The following DLG2 variants were observed in gnomAD, a reference collection of about 807,000 sequenced individuals.
DLG2 encodes disks large homolog 2.
In DLG2, 45 loss-of-function variants were observed where a neutral mutation model predicts 132.5. That is an observed-to-expected ratio of 0.34 (90% CI 0.27 to 0.44). The LOEUF (loss-of-function observed/expected upper bound fraction) is 0.44, where lower values mean the gene tolerates loss of function less well. Ranked by LOEUF, DLG2 falls within the 20% of genes least tolerant of loss-of-function variation. The probability of loss-of-function intolerance (pLI) is 1.00; values close to 1 mark genes in which losing one functional copy is unlikely to be tolerated. For synonymous variants in DLG2, 424 were observed against 419.6 expected (o/e 1.01, Z -0.13); for missense variants, 1,045 against 1,196.9 (o/e 0.87, Z 1.87).
At chr11:83,980,992 C>A (rs2092724088) in intron 11 of DLG2, among the ~76,000 whole-genome samples, 1 of 152,154 alleles carries the variant, frequency 6.6e-6, no homozygotes, top group Non-Finnish European at 1.5e-5. Flanking sequence ...AGGAAAAAGA[C>A]AAGTATAGTC....
At chr11:85,202,967 A>G (rs2081577067) in intron 4 of DLG2, among the ~76,000 whole-genome samples, 1 of 151,220 alleles carries the variant, frequency 6.6e-6, no homozygotes, top group African/African-American at 2.4e-5. Context: ...ATAACCTATC[A>G]ATGCACCTCA....
At chr11:84,010,900 T>G (rs1201223045) in intron 11 of DLG2, among the ~76,000 whole-genome samples, 1 of 152,164 alleles carries the variant, frequency 6.6e-6, no homozygotes, top group South Asian at 2.1e-4. Flanking sequence ...TCTTGCATTA[T>G]CAAATCTTTG....
intron 7 of DLG2, among the ~76,000 whole-genome samples, chr11:84,269,680 C>A (rs1466564264): frequency 6.6e-6 from 1 of 152,152 alleles, no homozygotes; most frequent in South Asian, 2.1e-4. Context: ...ATAAGTTTTT[C>A]TGAGATGAAT....
chr11:84,029,606 C>T (rs558924791), intron 11 of DLG2, among the ~76,000 whole-genome samples: 1 of 152,062 alleles, frequency 6.6e-6, no homozygotes, highest in Non-Finnish European at 1.5e-5. Flanking sequence ...ATACATATTG[C>T]ATATTTGAGA....
At chr11:84,704,923 A>T (rs1052845863) in intron 6 of DLG2, among the ~76,000 whole-genome samples, 1 of 148,736 alleles carries the variant, frequency 6.7e-6, no homozygotes, top group African/African-American at 2.4e-5. Flanking sequence ...CATTATGTAT[A>T]TACACATATA....
intron 18 of DLG2, among the ~76,000 whole-genome samples, chr11:83,658,563 C>T (rs1226928427): frequency 6.6e-6 from 1 of 152,166 alleles, no homozygotes; most frequent in Non-Finnish European, 1.5e-5. Context: ...AAATGATTTG[C>T]AATGAATTTT....
chr11:84,776,899 T>G (rs1378673348), intron 6 of DLG2, among the ~76,000 whole-genome samples: 4 of 152,146 alleles, frequency 2.6e-5, no homozygotes, highest in Admixed American at 6.5e-5. Context: ...TATTTTTCTT[T>G]TTTATTTGTA....
intron 6 of DLG2, among the ~76,000 whole-genome samples, chr11:84,820,855 A>G (rs1445817062): frequency 6.6e-6 from 1 of 151,810 alleles, no homozygotes; most frequent in Non-Finnish European, 1.5e-5. Context: ...TACTTGTTCC[A>G]ATGAGTCTCT....
At chr11:84,087,754 G>A (rs2097014629) in intron 10 of DLG2, among the ~76,000 whole-genome samples, 1 of 152,164 alleles carries the variant, frequency 6.6e-6, no homozygotes, top group African/African-American at 2.4e-5. Flanking sequence ...GATTCAGATG[G>A]CCTTTTGAAG....
At chr11:83,647,266 G>C (rs2068500772) in intron 18 of DLG2, among the ~76,000 whole-genome samples, 1 of 147,714 alleles carries the variant, frequency 6.8e-6, no homozygotes, top group Admixed American at 6.9e-5. Context: ...GTGGGGCTTA[G>C]ACAAGGGTGG....
At chr11:83,880,192 G>A (rs1191839312) in intron 15 of DLG2, among the ~76,000 whole-genome samples, 1 of 152,116 alleles carries the variant, frequency 6.6e-6, no homozygotes, top group Non-Finnish European at 1.5e-5. Context: ...GCTCTCCAAG[G>A]TTATTAAGTG....
chr11:84,306,401 G>T (rs2154384664), intron 7 of DLG2, among the ~76,000 whole-genome samples: 1 of 152,230 alleles, frequency 6.6e-6, no homozygotes, highest in South Asian at 2.1e-4. Flanking sequence ...GATTGATGCA[G>T]GAGAGGTGTG....
chr11:85,442,838 G>A lies in DLG2; in HGVS notation c.40+155819C>T, dbSNP rs1416600550. Among the ~76,000 whole-genome samples the A allele has an allele frequency of 3.3e-5, 5 of 151,872 alleles. No homozygotes were observed. In the East Asian group the frequency reaches 5.8e-4, roughly 18 times the overall value. On this transcript the variant is annotated intron_variant, in intron 3 of 27. Transcript: ENST00000376104. Reference sequence around the variant, plus strand: ...TCAAGGCAGTGAGATTTCATCACGCGACTACACTCCAACCTTAGCAAAAGA... The same window carrying A: ...TCAAGGCAGTGAGATTTCATCACGCAACTACACTCCAACCTTAGCAAAAGA...
At chr11:85,005,287 G>C (rs186930415) in intron 6 of DLG2, among the ~76,000 whole-genome samples, 3 of 152,210 alleles carry the variant, frequency 2.0e-5, no homozygotes, top group African/African-American at 7.2e-5. Flanking sequence ...GCTTGATGGG[G>C]ATAGCATCAA....
At chr11:85,184,910 C>A (rs1164997391) in intron 4 of DLG2, among the ~76,000 whole-genome samples, 1 of 151,518 alleles carries the variant, frequency 6.6e-6, no homozygotes, top group Non-Finnish European at 1.5e-5. Context: ...CACAAGAGAA[C>A]AAATGTATCA....
At chr11:84,600,159 GGAAA>G (rs1181993623) in intron 6 of DLG2, among the ~76,000 whole-genome samples, 7,810 of 95,844 alleles carry the variant, frequency 0.081, 289 homozygotes, top group Middle Eastern at 0.18. Flanking sequence ...AAAGAAAGAA[GGAAA>G]GAAAGAAAGA....
At chr11:83,612,305 T>C (rs2060230818) in intron 19 of DLG2, among the ~76,000 whole-genome samples, 1 of 152,232 alleles carries the variant, frequency 6.6e-6, no homozygotes, top group Non-Finnish European at 1.5e-5. Context: ...TGAGCCATAT[T>C]TTCCTAATTG....
intron 10 of DLG2, among the ~76,000 whole-genome samples, chr11:84,089,099 C>T (rs1305093538): frequency 6.6e-6 from 1 of 152,132 alleles, no homozygotes; most frequent in East Asian, 1.9e-4. Context: ...ATCACCCAAA[C>T]TCATGACAGT....
At chr11:84,648,367 G>A (rs2099677383) in intron 6 of DLG2, among the ~76,000 whole-genome samples, 1 of 152,168 alleles carries the variant, frequency 6.6e-6, no homozygotes, top group Non-Finnish European at 1.5e-5. Context: ...AATGGATTCA[G>A]AATGAATGCT....
Sources: allele counts gnomAD v4.1 joint callset (sites outside exome capture counted in the v4.1 genomes callset), GRCh38; gene constraint gnomAD v4.1.1; transcripts MANE v1.5; gene names NCBI Gene and HGNC (gene_info 2026-07-23, HGNC 2026-07-21).